TBL2: variants seen among roughly 807,000 people sequenced by gnomAD.
TBL2 encodes transducin beta-like protein 2.
Under a neutral mutation model 41.8 loss-of-function variants are expected in TBL2, and 33 were observed. The ratio of observed to expected loss-of-function variants is 0.79; its 90% CI spans 0.60 to 1.06. The LOEUF (loss-of-function observed/expected upper bound fraction) is 1.06, where lower values mean the gene tolerates loss of function less well. TBL2 is among the 50% of genes least tolerant of loss of function. The pLI, the probability that TBL2 is intolerant of heterozygous loss-of-function variation, is 0.00. For synonymous variants in TBL2, 239 were observed against 241.7 expected (o/e 0.99, Z 0.10); for missense variants, 522 against 603.8 (o/e 0.86, Z 1.42).
At chr7:73,572,373 T>A (rs1279457501) in intron 5 of TBL2, among the ~76,000 whole-genome samples, 1 of 152,100 alleles carries the variant, frequency 6.6e-6, no homozygotes, top group African/African-American at 2.4e-5. Context: ...GGTCTGAGCC[T>A]GGGAAGTCAA....
chr7:73,577,128 T>C lies in TBL2; in HGVS notation c.130+1292A>G, dbSNP rs184997613. Among the ~76,000 whole-genome samples the C allele has an allele frequency of 3.6e-4, 54 of 151,448 alleles. No individual in the cohort carries two copies. The East Asian group carries it at 0.01, about 28-fold the overall frequency. ...TACAAAAAATTAGCCGGGTGTGGTG[T>C]CGGACGCCTGTAGTCCCAGCTACTC... On this transcript the variant is annotated intron_variant, in intron 1 of 6. Transcript: ENST00000305632.
rs782630867 is a variant in TBL2 at position 73,574,526 on chromosome 7, G to A, written c.131-13C>T. 1 of 1,614,162 alleles carries A rather than the reference G, an allele frequency of 6.2e-7. No individual in the cohort carries two copies. The highest frequency in any genetic ancestry group is 8.5e-7 in the Non-Finnish European group (1 of 1,180,026). On this transcript the variant is annotated splice_polypyrimidine_tract_variant and intron_variant, in intron 1 of 6. Coordinates refer to ENST00000305632, the MANE Select transcript of TBL2 (RefSeq NM_012453.4). ...TTTGCTTTTTGGCCTATAAGGAAGG[G>A]CCATGTTGTTCTCCAGTTACTCACT...
rs1023587886 is a variant in TBL2, at chr7:73,568,384, T to A, written c.*2123A>T. On this transcript the variant is annotated 3_prime_UTR_variant, in exon 7 of 7. Transcript: ENST00000305632. Reference sequence around the variant, plus strand: ...TCCAGATAGTGTTTAGTTATTTAAGTTGCTCACTTCTAGCTTCTGTGAAGC... The same window carrying A: ...TCCAGATAGTGTTTAGTTATTTAAGATGCTCACTTCTAGCTTCTGTGAAGC... 1.1e-4 allele frequency among the ~76,000 whole-genome samples: 16 copies of A among 152,142 alleles called. No individual in the cohort carries two copies. The highest frequency in any genetic ancestry group is 2.2e-4 in the African/African-American group (9 of 41,430).
Position 73,570,818 on chromosome 7 carries a change from C to A in TBL2, c.1033G>T (p.Val345Phe), listed in dbSNP as rs35607697. 1 of 1,613,998 alleles carries A rather than the reference C, an allele frequency of 6.2e-7. No individual in the cohort carries two copies. The highest frequency in any genetic ancestry group is 2.2e-5 in the East Asian group (1 of 44,890). The change falls in exon 7 of 7, where the codon GTC becomes TTC. Residue 345 changes from valine to phenylalanine, a missense_variant. Transcript: ENST00000305632. ...CTACTGCCACTGGCCAAGGCCAAGA[C>A]CTGGGCGTTGGGGGAGAGGGCCAGG... ...CRLALSPNAQVLALASGSSIH... is the reference protein window; with the variant it reads ...CRLALSPNAQFLALASGSSIH...
chr7:73,574,144 G>T (rs1584031707), intron 2 of TBL2, 22 bp from the exon 3 acceptor site: 1 of 1,611,250 alleles, frequency 6.2e-7, no homozygotes, highest in East Asian at 2.2e-5. Flanking sequence ...GTGGCAGGAA[G>T]TGTCAATAGG....
chr7:73,574,062 A>G lies in TBL2; in HGVS notation c.322T>C (p.Cys108Arg). The G allele has an allele frequency of 6.2e-7, 1 of 1,614,208 alleles. No individual in the cohort carries two copies. The highest frequency in any genetic ancestry group is 8.5e-7 in the Non-Finnish European group (1 of 1,180,032). Residue 108 changes from cysteine to arginine, a missense_variant, in exon 3 of 7, where the codon TGT (cysteine) becomes CGT (arginine). Transcript: ENST00000305632. ...FSSNGKYLAT[C>R]ADDRTIRIWS... ...ATGCGGATGGTGCGATCATCTGCAC[A>G]GGTAGCCAGGTATTTGCCATTGCTG...
In TBL2 at chr7:73,570,818, C is replaced by T. The variant is rs35607697; in HGVS notation, c.1033G>A (p.Val345Ile). 77,631 of 1,613,994 alleles carry T rather than the reference C, an allele frequency of 0.048. 2,171 individuals are homozygous for T. The highest frequency in any genetic ancestry group is 0.055 in the Non-Finnish European group (65,272 of 1,180,040). Residue 345 changes from valine (V) to isoleucine (I), a missense_variant, in exon 7 of 7, where the codon GTC becomes ATC. Transcript: ENST00000305632. ...CTACTGCCACTGGCCAAGGCCAAGA[C>T]CTGGGCGTTGGGGGAGAGGGCCAGG... ...CRLALSPNAQ[V>I]LALASGSSIH... is the part of the protein sequence containing the mutation.
chr7:73,578,055 C>CT, intron 1 of TBL2: 2 of 556,392 alleles, frequency 3.6e-6, no homozygotes, highest in South Asian at 4.7e-5. Context: ...ATCACAGGGT[C>CT]ATAGATGCCC....
At chr7:73,573,087 GGTC>G in intron 4 of TBL2, 117 bp from the exon 5 acceptor site, 1 of 1,484,756 alleles carries the variant, frequency 6.7e-7, no homozygotes, top group South Asian at 1.3e-5. Context: ...CCAGGCCAAG[GGTC>G]ACTACAGATA....
rs1466075089 is a variant in TBL2, at chr7:73,567,669, T to C, written c.*2838A>G. 6.6e-6 allele frequency among the ~76,000 whole-genome samples: 1 copy of C among 152,160 alleles called. No individual in the cohort carries two copies. The highest frequency in any genetic ancestry group is 1.9e-4 in the East Asian group (1 of 5,196). On this transcript the variant is annotated 3_prime_UTR_variant, in exon 7 of 7. Coordinates refer to ENST00000305632, the MANE Select transcript of TBL2 (RefSeq NM_012453.4). ...AAAAAAAAGAAAAACCTTGGTGGCCTCTGCTCTATGTTAATATCCAGACAC... is the reference window on the plus strand; with the variant it reads ...AAAAAAAAGAAAAACCTTGGTGGCCCCTGCTCTATGTTAATATCCAGACAC...
intron 1 of TBL2, among the ~76,000 whole-genome samples, chr7:73,576,996 G>A (rs1282492792): frequency 1.3e-5 from 2 of 152,160 alleles, no homozygotes; most frequent in Admixed American, 6.5e-5. Flanking sequence ...GGTGGCTCAC[G>A]CCTGTAATCC....
Position 73,568,259 on chromosome 7 carries a change from G to C in TBL2, c.*2248C>G, listed in dbSNP as rs1792724342. ...TGACAGTGGGATGGTCCAGGAGTCT[G>C]CCCGGTGGTGCTCTCATTCCAGTGG... On this transcript the variant is annotated 3_prime_UTR_variant, in exon 7 of 7. Transcript: ENST00000305632. Among the ~76,000 whole-genome samples the C allele has an allele frequency of 6.6e-6, 1 of 152,202 alleles. No homozygotes were observed. The highest frequency in any genetic ancestry group is 1.5e-5 in the Non-Finnish European group (1 of 68,036).
rs782068911 is a variant in TBL2 at position 73,573,441 on chromosome 7, G to A, written c.477C>T (p.Asp159=). The A allele has an allele frequency of 1.9e-6, 3 of 1,614,076 alleles. No individual in the cohort carries two copies. Among genetic ancestry groups the A allele is most frequent in the East Asian group, 2.2e-5 (1 of 44,886 alleles). The change falls in exon 4 of 7, where the codon GAC becomes GAT. Residue 159 remains aspartate (D), a synonymous_variant. Coordinates refer to ENST00000305632, the MANE Select transcript of TBL2 (RefSeq NM_012453.4). Reference sequence around the variant, plus strand: ...TGGTCATCTTGAAGACACGGAGGGTGTCCCCGTTGGCCAGCCAGACGATGA... The same window carrying A: ...TGGTCATCTTGAAGACACGGAGGGTATCCCCGTTGGCCAGCCAGACGATGA... ...RAFIVWLANG[D]TLRVFKMTKR...
chr7:73,574,742 G>T, intron 1 of TBL2: 1 of 611,350 alleles, frequency 1.6e-6, no homozygotes. Context: ...CCAGGAGTTC[G>T]AGGCTGCAGT....
rs782503606 is a variant in TBL2 at position 73,570,666 on chromosome 7, CG to C, written c.1184del (p.Ala395GlyfsTer22). On this transcript the variant is annotated frameshift_variant, in exon 7 of 7. Coordinates refer to ENST00000305632, the MANE Select transcript of TBL2 (RefSeq NM_012453.4). LOFTEE classifies it high-confidence loss of function. ...GRFLASCGDR[A>X]VRLFHNTPGH... The stretch of plus-strand genomic sequence containing the variant: ...CAGGAGTGTTGTGAAACAGCCGCAC[CG>C]CCCGGTCCCCACAGGAGGCCAGAAA... The C allele has an allele frequency of 1.2e-6, 2 of 1,613,908 alleles. No homozygotes were observed. The highest frequency in any genetic ancestry group is 1.7e-6 in the Non-Finnish European group (2 of 1,179,914).
At chr7:73,571,989 G>C (rs1334790187) in intron 5 of TBL2, 1 of 160,558 alleles carries the variant, frequency 6.2e-6, no homozygotes, top group East Asian at 1.9e-4. Flanking sequence ...CTTGAACCCG[G>C]GAGACGGAGG....
chr7:73,575,134 C>CA (rs1238912601), intron 1 of TBL2, among the ~76,000 whole-genome samples: 25 of 150,420 alleles, frequency 1.7e-4, no homozygotes, highest in Non-Finnish European at 3.0e-4. Flanking sequence ...TTCTTTCTTT[C>CA]TTTTTTTTGG....
chr7:73,577,766 C>T (rs1332070426), intron 1 of TBL2, among the ~76,000 whole-genome samples: 1 of 152,126 alleles, frequency 6.6e-6, no homozygotes, highest in African/African-American at 2.4e-5. Flanking sequence ...GCCTCGGCCT[C>T]CCATGGAGCT....
rs1472455539 is a variant in TBL2, at chr7:73,569,581, T to C, written c.*926A>G. The stretch of plus-strand genomic sequence containing the variant: ...GCCTTGACATATATAACAATAGCTA[T>C]GAATAAACTAACACAAAGCACTTAA... On this transcript the variant is annotated 3_prime_UTR_variant, in exon 7 of 7. Coordinates refer to ENST00000305632, the MANE Select transcript of TBL2 (RefSeq NM_012453.4). 1 of 152,176 alleles carries C rather than the reference T, an allele frequency of 6.6e-6. No individual in the cohort carries two copies. The allele number at this position is 152,176 out of a possible 1,614,324, so 9.4% of individuals were successfully genotyped here. A position where few individuals can be genotyped will look rare whatever the true frequency, so the allele number is the denominator to read the frequency against.
Sources: gnomAD v4.1 joint callset for allele counts (sites outside exome capture counted in the v4.1 genomes callset) on GRCh38, gnomAD v4.1.1 for gene constraint, MANE v1.5 for transcripts, NCBI Gene and HGNC (gene_info 2026-07-23, HGNC 2026-07-21) for gene names.